WHRN: variants seen among roughly 807,000 people sequenced by gnomAD.
WHRN encodes CASK-interacting protein CIP98.
WHRN carries 41 observed loss-of-function variants against 68.3 expected under a neutral mutation model. That is an observed-to-expected ratio of 0.60 (90% CI 0.47 to 0.78). The LOEUF (loss-of-function observed/expected upper bound fraction) is 0.78, where lower values mean the gene tolerates loss of function less well. Among genes scored for constraint, WHRN ranks in the 30% least tolerant of loss-of-function variants. WHRN has a pLI of 0.00. For synonymous variants in WHRN, 560 were observed against 561.3 expected, an observed-to-expected ratio of 1.00 and a Z score of 0.03; for missense variants, 1,243 against 1,244.7, an observed-to-expected ratio of 1.00 and a Z score of 0.02.
At chr9:114,476,126 G>A (rs187796043) in intron 2 of WHRN, among the ~76,000 whole-genome samples, 191 of 151,834 alleles carry the variant, frequency 1.3e-3, no homozygotes, top group African/African-American at 4.4e-3. Context: ...CATCATACCC[G>A]GCTAATTTTT....
At chr9:114,429,993 T>G (rs1330441961) in intron 3 of WHRN, among the ~76,000 whole-genome samples, 1 of 152,260 alleles carries the variant, frequency 6.6e-6, no homozygotes, top group Non-Finnish European at 1.5e-5. Context: ...GCACTCTTCA[T>G]CGCGCAAGGG....
intron 3 of WHRN, among the ~76,000 whole-genome samples, chr9:114,441,405 A>G (rs1204322219): frequency 1.3e-5 from 2 of 152,200 alleles, no homozygotes; most frequent in East Asian, 3.8e-4. Flanking sequence ...AAGCCCTGTT[A>G]GTAATGACAC....
chr9:114,459,513 T>C (rs1340534514), intron 3 of WHRN, among the ~76,000 whole-genome samples: 1 of 152,052 alleles, frequency 6.6e-6, no homozygotes, highest in Non-Finnish European at 1.5e-5. Context: ...AGATGGCACA[T>C]ATAGATCACC....
intron 1 of WHRN, among the ~76,000 whole-genome samples, chr9:114,483,361 G>A (rs927335988): frequency 6.6e-6 from 1 of 152,160 alleles, no homozygotes; most frequent in African/African-American, 2.4e-5. Context: ...AAGGGGAAGA[G>A]GACGGTCTCT....
At chr9:114,432,710 C>G (rs1452600844) in intron 3 of WHRN, among the ~76,000 whole-genome samples, 2 of 152,240 alleles carry the variant, frequency 1.3e-5, no homozygotes, top group African/African-American at 2.4e-5. Context: ...AAAACAGGGT[C>G]TGGCACATAG....
At chr9:114,454,639 AT>A (rs888548513) in intron 3 of WHRN, among the ~76,000 whole-genome samples, 8 of 152,204 alleles carry the variant, frequency 5.3e-5, no homozygotes, top group Non-Finnish European at 7.4e-5. Context: ...AAATCTTCTA[AT>A]TTGATCTAGA....
Position 114,404,267 on chromosome 9 carries a change from A to G in WHRN, c.2237-190T>C, listed in dbSNP as rs766835. 0.2 allele frequency among the ~76,000 whole-genome samples: 30,508 copies of G among 151,946 alleles called. 3,577 individuals carry two copies. The highest frequency in any genetic ancestry group is 0.33 in the East Asian group (1,700 of 5,138). On this transcript the variant is annotated intron_variant, in intron 9 of 11. Coordinates refer to ENST00000362057, the MANE Select transcript of WHRN (RefSeq NM_015404.4). ...CTGCCACCCTCTCCACCTACTCAAG[A>G]CCTGTCCTTTCAACCAGACCTGGTC...
intron 3 of WHRN, among the ~76,000 whole-genome samples, chr9:114,432,357 G>A (rs759375051): frequency 3.9e-5 from 6 of 152,224 alleles, no homozygotes; most frequent in South Asian, 2.1e-4. Context: ...TCGTAACAGC[G>A]GAAACACTCA....
intron 7 of WHRN, among the ~76,000 whole-genome samples, chr9:114,412,409 T>A (rs1039611042): frequency 2.0e-5 from 3 of 152,092 alleles, no homozygotes; most frequent in African/African-American, 7.2e-5. Flanking sequence ...GGCCAGAGCC[T>A]CAGTGAGGGC....
chr9:114,419,508 G>GGACATAAT (rs559085549), intron 7 of WHRN, among the ~76,000 whole-genome samples: 4 of 152,228 alleles, frequency 2.6e-5, no homozygotes, highest in Non-Finnish European at 5.9e-5. Flanking sequence ...TTTTATAATA[G>GGACATAAT]GACATAATGA....
At chr9:114,472,662 GTTGTCTGTTCT>G in intron 2 of WHRN, among the ~76,000 whole-genome samples, 1 of 152,140 alleles carries the variant, frequency 6.6e-6, no homozygotes. Context: ...TGGCTAAGGT[GTTGTCTGTTCT>G]TTGTCTGTTC....
At chr9:114,480,030 T>G (rs1431528763) in intron 1 of WHRN, among the ~76,000 whole-genome samples, 1 of 152,102 alleles carries the variant, frequency 6.6e-6, no homozygotes, top group Non-Finnish European at 1.5e-5. Flanking sequence ...GCCACTGCAC[T>G]CCAGCCTGGG....
chr9:114,454,553 A>G (rs1337783235), intron 3 of WHRN, among the ~76,000 whole-genome samples: 2 of 152,184 alleles, frequency 1.3e-5, no homozygotes, highest in African/African-American at 4.8e-5. Context: ...GCTGACAATT[A>G]CAGAACAAAA....
chr9:114,425,318 G>T, intron 4 of WHRN: 1 of 613,544 alleles, frequency 1.6e-6, no homozygotes, highest in East Asian at 2.7e-5. Flanking sequence ...ACAAGGAGTG[G>T]AGGGAAGAAA....
rs1315480548 is a variant in WHRN at position 114,403,973 on chromosome 9, G to A, written c.2341C>T (p.Gln781Ter). 2 of 1,608,312 alleles carry A rather than the reference G, an allele frequency of 1.2e-6. No individual in the cohort carries two copies. The highest frequency in any genetic ancestry group is 1.1e-5 in the South Asian group (1 of 90,826). The change falls in exon 10 of 12, where the codon CAG (glutamine) becomes TAG (stop). Residue 781 changes from glutamine to a stop codon, truncating the protein, a stop_gained. Coordinates refer to ENST00000362057, the MANE Select transcript of WHRN (RefSeq NM_015404.4). LOFTEE classifies it high-confidence loss of function. The part of the protein sequence containing the change: ...AEASAPGRGR[Q>*]SVSTKSRSSK... Reference sequence around the variant, plus strand: ...CTCCTGCTCTTGGTGGACACCGACTGCCTTCCTCGGCCTGGGGCGCTGGCC... The same window carrying A: ...CTCCTGCTCTTGGTGGACACCGACTACCTTCCTCGGCCTGGGGCGCTGGCC...
intron 2 of WHRN, 130 bp from the exon 3 acceptor site, chr9:114,466,522 G>A: frequency 7.5e-7 from 1 of 1,334,904 alleles, no homozygotes; most frequent in East Asian, 2.3e-5. Context: ...CCCAGGCCAA[G>A]GCCTGGAAGA....
chr9:114,431,830 A>T (rs987898767), intron 3 of WHRN, among the ~76,000 whole-genome samples: 1 of 152,220 alleles, frequency 6.6e-6, no homozygotes, highest in Non-Finnish European at 1.5e-5. Flanking sequence ...TGCAGAATCC[A>T]AGGCTCAGAA....
intron 3 of WHRN, among the ~76,000 whole-genome samples, chr9:114,456,308 C>T (rs996374205): frequency 4.6e-5 from 7 of 152,038 alleles, no homozygotes; most frequent in Admixed American, 1.3e-4. Flanking sequence ...GGAGGGGGCA[C>T]GTGTCGGGCA....
Position 114,425,196 on chromosome 9 carries a change from C to T in WHRN, c.1167-172G>A, listed in dbSNP as rs181305333. The T allele has an allele frequency of 8.8e-5, 66 of 749,206 alleles. 1 individual carries two copies. In the East Asian group the frequency reaches 1.3e-3, roughly 15 times the overall value. 46.4% of individuals were successfully genotyped at this position (749,206 alleles called of 1,614,324 possible). A position where few individuals can be genotyped will look rare whatever the true frequency, so the allele number is the denominator to read the frequency against. The stretch of plus-strand genomic sequence containing the variant: ...GGCTACTCAGGGGTAAAGGAAACTC[C>T]GGACAGACTGGCAGCGTCCAGCCTC... On this transcript the variant is annotated intron_variant, in intron 4 of 11. Transcript: ENST00000362057.
Sources: allele counts gnomAD v4.1 joint callset (sites outside exome capture counted in the v4.1 genomes callset), GRCh38; gene constraint gnomAD v4.1.1; transcripts MANE v1.5; gene names NCBI Gene and HGNC (gene_info 2026-07-23, HGNC 2026-07-21).